Variants in MATN2 observed in about 807,000 individuals in gnomAD.
The protein encoded by MATN2 is matrilin 2, also known as matrilin-2.
MATN2 carries 69 observed loss-of-function variants against 103.2 expected under a neutral mutation model. That is an observed-to-expected ratio of 0.67 (90% CI 0.55 to 0.82). The LOEUF is 0.82. Among genes scored for constraint, MATN2 ranks in the 40% least tolerant of loss-of-function variants. MATN2 has a pLI of 0.00. For missense variants in MATN2, 1,023 were observed against 1,211.5 expected, an observed-to-expected ratio of 0.84 and a Z score of 2.31; for synonymous variants, 429 against 450.2, an observed-to-expected ratio of 0.95 and a Z score of 0.60.
intron 1 of MATN2, among the ~76,000 whole-genome samples, chr8:97,875,274 G>T (rs184628018): frequency 9.2e-5 from 14 of 152,192 alleles, no homozygotes; most frequent in African/African-American, 3.4e-4. Flanking sequence ...CTTCCAGAAT[G>T]TGCACAATGG....
At position 97,939,267 on chromosome 8, in the gene MATN2, CAT is replaced by C. The variant is rs1222795817; in HGVS notation, c.713-2509_713-2508del. 7.2e-5 allele frequency among the ~76,000 whole-genome samples: 11 copies of C among 152,284 alleles called. No individual in the cohort carries two copies. The East Asian group carries it at 2.1e-3, about 29-fold the overall frequency. On this transcript the variant is annotated intron_variant, in intron 3 of 18. Transcript: ENST00000254898. ...CTGACTGAATGAAACTTACCTAACA[CAT>C]GTTTTCCCTGTAAGGCACATCGCAG...
chr8:97,933,437 C>CT (rs1297102269), intron 3 of MATN2, among the ~76,000 whole-genome samples: 4 of 152,072 alleles, frequency 2.6e-5, no homozygotes, highest in Admixed American at 6.6e-5. Flanking sequence ...TGGAGGGGTT[C>CT]TTTTTATAAG....
chr8:97,979,555 C>T lies in MATN2; in HGVS notation c.1081+547C>T, dbSNP rs545680910. 2.7e-5 allele frequency among the ~76,000 whole-genome samples: 4 copies of T among 148,760 alleles called. No individual in the cohort carries two copies. In the East Asian group the frequency reaches 5.9e-4, roughly 22 times the overall value. ...GCTCCCAAAATTTGAACATAAAATT[C>T]GATAAACTAAAGATGATCATTAGTT... On this transcript the variant is annotated intron_variant, in intron 6 of 18. Coordinates refer to ENST00000254898, the MANE Select transcript of MATN2 (RefSeq NM_002380.5).
chr8:98,004,795 A>G (rs985848595), intron 8 of MATN2, among the ~76,000 whole-genome samples: 3 of 152,236 alleles, frequency 2.0e-5, no homozygotes, highest in African/African-American at 4.8e-5. Flanking sequence ...CAGAGCCACA[A>G]CAAAGCTCCA....
At chr8:97,927,294 C>A (rs1228537772) in intron 2 of MATN2, among the ~76,000 whole-genome samples, 2 of 151,476 alleles carry the variant, frequency 1.3e-5, no homozygotes, top group African/African-American at 2.4e-5. Flanking sequence ...TGGGCATGCA[C>A]CACCACACCC....
chr8:97,970,337 C>T (rs1452103080), intron 5 of MATN2, among the ~76,000 whole-genome samples: 1 of 152,112 alleles, frequency 6.6e-6, no homozygotes, highest in Non-Finnish European at 1.5e-5. Context: ...TGCTTTCACC[C>T]CAGCCCTGTT....
chr8:98,030,744 C>T (rs759378980), intron 15 of MATN2, 130 bp downstream of exon 15: 51 of 790,100 alleles, frequency 6.5e-5, no homozygotes, highest in Non-Finnish European at 8.6e-5. Flanking sequence ...CTCACTACAA[C>T]CTCCGCCTCC....
chr8:97,924,671 G>A (rs955452131), intron 2 of MATN2, among the ~76,000 whole-genome samples: 4 of 145,160 alleles, frequency 2.8e-5, no homozygotes, highest in African/African-American at 1.0e-4. Context: ...TTGACTTACT[G>A]GGCTGCTGCT....
intron 3 of MATN2, among the ~76,000 whole-genome samples, chr8:97,939,538 GGAGGCT>G (rs1273857907): frequency 6.6e-6 from 1 of 152,138 alleles, no homozygotes; most frequent in African/African-American, 2.4e-5. Flanking sequence ...CAGCTACTTG[GGAGGCT>G]GAGGCTGAGG....
chr8:97,963,353 A>G (rs1050580888), intron 5 of MATN2, among the ~76,000 whole-genome samples: 1 of 152,116 alleles, frequency 6.6e-6, no homozygotes, highest in East Asian at 1.9e-4. Flanking sequence ...GATTAGGACA[A>G]GGGGAGGGAC....
rs190140883 is a variant in MATN2, at chr8:97,977,456, G to A, written c.959-1430G>A. Among the ~76,000 whole-genome samples, 460 of 151,986 alleles carry A rather than the reference G, an allele frequency of 3.0e-3. 3 individuals carry two copies. The highest frequency in any genetic ancestry group is 5.3e-3 in the Non-Finnish European group (357 of 67,978). ...ATAAGGCCACATTCGTAGGTACCAG[G>A]GTTTAGGACTCCAACATGTCTTTTT... On this transcript the variant is annotated intron_variant, in intron 5 of 18. Coordinates refer to ENST00000254898, the MANE Select transcript of MATN2 (RefSeq NM_002380.5).
At chr8:98,021,531 A>T (rs1348848953) in intron 13 of MATN2, among the ~76,000 whole-genome samples, 1 of 152,208 alleles carries the variant, frequency 6.6e-6, no homozygotes, top group Non-Finnish European at 1.5e-5. Flanking sequence ...ATTCATTATC[A>T]GCCAAGAGGC....
chr8:97,888,659 A>AC (rs1818526498), intron 2 of MATN2, among the ~76,000 whole-genome samples: 1 of 152,146 alleles, frequency 6.6e-6, no homozygotes, highest in Non-Finnish European at 1.5e-5. Flanking sequence ...GGACATTGTG[A>AC]ACTGAATCGA....
In MATN2 at chr8:97,931,723, G is replaced by C. The variant is rs1810205933; in HGVS notation, c.712+201G>C. ...TGTTTTTATTTATTTATCTTTTAGA[G>C]ACAGGGTCATGCTCTGTCACCCAGG... On this transcript the variant is annotated intron_variant, in intron 3 of 18. Coordinates refer to ENST00000254898, the MANE Select transcript of MATN2 (RefSeq NM_002380.5). This position sits in a 1 kb window ranked among gnomAD's most constrained non-coding sequence, Gnocchi z 4.1. Among the ~76,000 whole-genome samples, 1 of 152,212 alleles carries C rather than the reference G, an allele frequency of 6.6e-6. No individual in the cohort carries two copies. Among genetic ancestry groups the C allele is most frequent in the African/African-American group, 2.4e-5 (1 of 41,450 alleles).
chr8:98,008,147 G>A (rs912289551), intron 10 of MATN2, among the ~76,000 whole-genome samples: 2 of 151,968 alleles, frequency 1.3e-5, no homozygotes, highest in African/African-American at 2.4e-5. Flanking sequence ...TTCTGACCCC[G>A]GTGATCTCAC....
At chr8:97,905,815 A>G (rs552637142) in intron 2 of MATN2, among the ~76,000 whole-genome samples, 147 of 152,212 alleles carry the variant, frequency 9.7e-4, no homozygotes, top group Non-Finnish European at 1.7e-3. Context: ...GGCACACACC[A>G]TGCCTGGCTA....
Position 97,956,632 on chromosome 8 carries a change from T to A in MATN2, c.836-4776T>A, listed in dbSNP as rs555342207. On this transcript the variant is annotated intron_variant, in intron 4 of 18. Coordinates refer to ENST00000254898, the MANE Select transcript of MATN2 (RefSeq NM_002380.5). ...TAAACTGACATGTCACACTGGTGGG[T>A]GTGTCTTATGGAAAGCTGCTTCTGC... Among the ~76,000 whole-genome samples the A allele has an allele frequency of 2.6e-5, 4 of 152,182 alleles. No individual in the cohort carries two copies. In the East Asian group the frequency reaches 5.8e-4, roughly 22 times the overall value.
At chr8:97,946,556 C>T (rs1458103582) in intron 4 of MATN2, among the ~76,000 whole-genome samples, 1 of 152,150 alleles carries the variant, frequency 6.6e-6, no homozygotes, top group Non-Finnish European at 1.5e-5. Context: ...TGCTATTTCC[C>T]CTTATCCTTC....
chr8:97,945,717 A>AAAAAAAATAT (rs59472539), intron 4 of MATN2, among the ~76,000 whole-genome samples: 123 of 121,796 alleles, frequency 1.0e-3, no homozygotes, highest in South Asian at 2.7e-3. Flanking sequence ...AAAAAAAAAA[A>AAAAAAAATAT]ATATATATAT....
Sources: allele counts gnomAD v4.1 joint callset (sites outside exome capture counted in the v4.1 genomes callset), GRCh38; gene constraint gnomAD v4.1.1; non-coding constraint Gnocchi (gnomAD v3.1); transcripts MANE v1.5; gene names NCBI Gene and HGNC (gene_info 2026-07-23, HGNC 2026-07-21).